Variants in SERPING1 observed in about 807,000 individuals in gnomAD.
SERPING1 encodes serpin family G member 1.
In SERPING1, 5 loss-of-function variants were observed where a neutral mutation model predicts 34.1. The observed-to-expected ratio is 0.15, with a 90% CI of 0.08 to 0.31. The LOEUF (loss-of-function observed/expected upper bound fraction) is 0.31, where lower values mean the gene tolerates loss of function less well. SERPING1 is among the 10% of genes least tolerant of loss of function. SERPING1 has a pLI of 1.00. For synonymous variants in SERPING1, 225 were observed against 242.4 expected, an observed-to-expected ratio of 0.93 and a Z score of 0.67; for missense variants, 505 against 609.5, an observed-to-expected ratio of 0.83 and a Z score of 1.81.
Position 57,614,537 on chromosome 11 carries a change from A to C in SERPING1, c.1459A>C (p.Lys487Gln), listed in dbSNP as rs1459395442. Reference protein sequence around the residue: ...FLFVLWDQQHKFPVFMGRVYD... With the variant: ...FLFVLWDQQHQFPVFMGRVYD... ...CTTCGTGCTCTGGGACCAGCAGCAC[A>C]AGTTCCCTGTCTTCATGGGGCGAGT... The change falls in exon 8 of 8, where the codon AAG becomes CAG. Residue 487 changes from lysine (K) to glutamine (Q), a missense_variant. By Grantham distance (53) the Lys-to-Gln change is moderately conservative (BLOSUM62 1). Coordinates refer to ENST00000278407, the MANE Select transcript of SERPING1 (RefSeq NM_000062.3). The C allele has an allele frequency of 1.2e-6, 2 of 1,614,046 alleles. No individual in the cohort carries two copies.
intron 3 of SERPING1, among the ~76,000 whole-genome samples, chr11:57,601,002 C>G (rs557024458): frequency 6.6e-6 from 1 of 151,682 alleles, no homozygotes; most frequent in African/African-American, 2.4e-5. Flanking sequence ...GTGGTTAGTA[C>G]TGCCTTCTAG....
chr11:57,612,652 T>G (rs1372293955), intron 7 of SERPING1, among the ~76,000 whole-genome samples: 1 of 152,046 alleles, frequency 6.6e-6, no homozygotes, highest in Non-Finnish European at 1.5e-5. Flanking sequence ...CTCCGGACCT[T>G]GTGATCCACC....
intron 1 of SERPING1, 90 bp from the exon 2 acceptor site, chr11:57,598,159 C>T (rs966331098): frequency 1.4e-5 from 14 of 972,014 alleles, no homozygotes; most frequent in African/African-American, 3.3e-5. Context: ...GGACTGGGGC[C>T]TGAGACGGAA....
chr11:57,605,816 C>T, intron 4 of SERPING1, 194 bp from the exon 5 acceptor site: 1 of 655,270 alleles, frequency 1.5e-6, no homozygotes, highest in South Asian at 1.7e-5. Flanking sequence ...TTCTCTTGTT[C>T]TTGGTTCTGG....
At chr11:57,606,655 T>G (rs1364616721) in intron 6 of SERPING1, 108 bp downstream of exon 6, 3 of 1,100,958 alleles carry the variant, frequency 2.7e-6, no homozygotes, top group Non-Finnish European at 4.2e-6. Flanking sequence ...AATTCATCAC[T>G]TCTACTCCTT....
chr11:57,608,819 T>G (rs1945442687), intron 6 of SERPING1, among the ~76,000 whole-genome samples: 1 of 151,372 alleles, frequency 6.6e-6, no homozygotes, highest in Non-Finnish European at 1.5e-5. Context: ...AGCCTGAGTT[T>G]TTTTTTTTTT....
intron 6 of SERPING1, 53 bp downstream of exon 6, chr11:57,606,600 C>CT: frequency 5.0e-6 from 8 of 1,594,932 alleles, no homozygotes; most frequent in Non-Finnish European, 6.0e-6. Flanking sequence ...AGTCTCCTGA[C>CT]TTTTTTTCTG....
intron 4 of SERPING1, 154 bp from the exon 5 acceptor site, chr11:57,605,856 A>G (rs563405615): frequency 2.6e-6 from 2 of 775,890 alleles, no homozygotes; most frequent in African/African-American, 1.7e-5. Context: ...TATTTGCCAC[A>G]TCTGTAAGAG....
chr11:57,605,993 T>C lies in SERPING1; in HGVS notation c.686-17T>C, dbSNP rs761359456. ...CGTGTTCAGGACTCATGCCTCCCTT[T>C]CTCAACATACCCCCAGACCTGGCCA... On this transcript the variant is annotated splice_polypyrimidine_tract_variant and intron_variant, in intron 4 of 7. Transcript: ENST00000278407. 1 of 1,612,654 alleles carries C rather than the reference T, an allele frequency of 6.2e-7. No homozygotes were observed. Among genetic ancestry groups the C allele is most frequent in the South Asian group, 1.1e-5 (1 of 91,020 alleles).
intron 6 of SERPING1, chr11:57,606,806 C>T (rs1032301418): frequency 5.2e-5 from 35 of 672,774 alleles, no homozygotes; most frequent in African/African-American, 4.6e-4. Context: ...AAATGTGAGT[C>T]GTGTTCCTAT....
chr11:57,611,943 T>A lies in SERPING1; in HGVS notation c.1249+7T>A. 6.2e-7 allele frequency: 1 copy of A among 1,611,174 alleles called. No individual in the cohort carries two copies. The highest frequency in any genetic ancestry group is 8.5e-7 in the Non-Finnish European group (1 of 1,177,814). On this transcript the variant is annotated splice_region_variant and intron_variant, in intron 7 of 7. Coordinates refer to ENST00000278407, the MANE Select transcript of SERPING1 (RefSeq NM_000062.3). ...TCAATCATGGAGAAATTGGGTGAGC[T>A]CTGGCAGCTTAGGGTTACTCCCAGG... is the stretch of plus-strand genomic sequence containing the variant.
intron 1 of SERPING1, 69 bp from the exon 2 acceptor site, chr11:57,598,180 C>A (rs1945308499): frequency 1.6e-6 from 2 of 1,250,340 alleles, no homozygotes; most frequent in African/African-American, 1.5e-5. Context: ...TGGGGGCGGG[C>A]CCCGGGCGGG....
Position 57,598,312 on chromosome 11 carries a change from G to T in SERPING1, c.42G>T (p.Leu14=). 1.3e-6 allele frequency: 2 copies of T among 1,563,848 alleles called. No homozygotes were observed. The highest frequency in any genetic ancestry group is 1.8e-4 in the Middle Eastern group (1 of 5,444). The change falls in exon 2 of 8, where the codon CTG becomes CTT. Residue 14 remains leucine, a synonymous_variant. Coordinates refer to ENST00000278407, the MANE Select transcript of SERPING1 (RefSeq NM_000062.3). ...RLTLLTLLLL[L]LAGDRASSNP... is the part of the protein sequence containing the mutation. Reference sequence around the variant, plus strand: ...CCCTGCTGACCCTCCTGCTGCTGCTGCTGGCTGGGGTATGTGGTCCCTTGT... The same window carrying T: ...CCCTGCTGACCCTCCTGCTGCTGCTTCTGGCTGGGGTATGTGGTCCCTTGT...
chr11:57,608,305 A>C (rs1051943449), intron 6 of SERPING1, among the ~76,000 whole-genome samples: 1 of 152,234 alleles, frequency 6.6e-6, no homozygotes, highest in Non-Finnish European at 1.5e-5. Flanking sequence ...TTCCTCTCTA[A>C]AAATGTTTTT....
intron 6 of SERPING1, chr11:57,611,508 C>T: frequency 1.6e-6 from 1 of 609,760 alleles, no homozygotes; most frequent in Non-Finnish European, 2.9e-6. Context: ...ATGCTCCTTC[C>T]TCTACCTCTC....
At chr11:57,601,749 G>A (rs1348797860) in intron 3 of SERPING1, among the ~76,000 whole-genome samples, 1 of 150,032 alleles carries the variant, frequency 6.7e-6, no homozygotes, top group South Asian at 2.1e-4. Context: ...TATTGTCCCA[G>A]CTACTTGGGA....
chr11:57,611,656 G>C (rs756040515), intron 6 of SERPING1, 61 bp from the exon 7 acceptor site: 1 of 1,459,930 alleles, frequency 6.8e-7, no homozygotes, highest in Non-Finnish European at 9.6e-7. Flanking sequence ...TTGTGACAGA[G>C]GGTGGGGCCA....
rs118132731 is a variant in SERPING1, at chr11:57,606,631, G to A, written c.1029+84G>A. On this transcript the variant is annotated intron_variant, in intron 6 of 7. Transcript: ENST00000278407. ...TTCTGCTGTAGTCCCATCATTTTGG[G>A]GTACATGCTTACAAATTCATCACTT... is the stretch of plus-strand genomic sequence containing the variant. The A allele has an allele frequency of 2.5e-3, 3,450 of 1,390,436 alleles. 10 individuals are homozygous for A. Among genetic ancestry groups the A allele is most frequent in the Non-Finnish European group, 3.1e-3 (3,071 of 983,102 alleles). 86.1% of individuals were successfully genotyped at this position (1,390,436 alleles called of 1,614,324 possible). A position where few individuals can be genotyped will look rare whatever the true frequency, so the allele number is the denominator to read the frequency against.
chr11:57,602,232 C>T (rs1049558232), intron 4 of SERPING1, 63 bp downstream of exon 4: 1 of 1,586,730 alleles, frequency 6.3e-7, no homozygotes. Flanking sequence ...TGAAGGGGGA[C>T]CCAGCGCTGG....
Sources: allele counts gnomAD v4.1 joint callset (sites outside exome capture counted in the v4.1 genomes callset), GRCh38; gene constraint gnomAD v4.1.1; transcripts MANE v1.5; gene names NCBI Gene and HGNC (gene_info 2026-07-23, HGNC 2026-07-21).